The following VPS54 variants were observed in gnomAD, a reference collection of about 807,000 sequenced individuals.
VPS54 encodes the protein vacuolar protein sorting-associated protein 54.
A neutral mutation model predicts 121.5 loss-of-function variants in VPS54; 45 were observed. The ratio of observed to expected loss-of-function variants is 0.37; its 90% CI spans 0.29 to 0.47. The LOEUF is 0.47. VPS54 is among the 20% of genes least tolerant of loss of function. VPS54 has a pLI of 0.99. For synonymous variants in VPS54, 371 were observed against 385.8 expected, an observed-to-expected ratio of 0.96 and a Z score of 0.45; for missense variants, 1,090 against 1,131.4, an observed-to-expected ratio of 0.96 and a Z score of 0.52.
intron 3 of VPS54, among the ~76,000 whole-genome samples, chr2:63,973,858 T>C (rs896821492): frequency 1.3e-5 from 2 of 152,184 alleles, no homozygotes; most frequent in African/African-American, 2.4e-5. Context: ...CAATCCTGTA[T>C]CAGATATGTG....
intron 1 of VPS54, among the ~76,000 whole-genome samples, chr2:64,018,385 C>A (rs1678810486): frequency 6.6e-6 from 1 of 152,122 alleles, no homozygotes; most frequent in Non-Finnish European, 1.5e-5. Context: ...GCAGAAACGG[C>A]AGAGAGGGCC....
At chr2:63,917,957 A>C (rs1345329059) in intron 15 of VPS54, among the ~76,000 whole-genome samples, 1 of 152,042 alleles carries the variant, frequency 6.6e-6, no homozygotes, top group Non-Finnish European at 1.5e-5. Flanking sequence ...CATGTAAAAT[A>C]CTTAGAACAA....
At chr2:63,948,739 C>T (rs1190378044) in intron 8 of VPS54, among the ~76,000 whole-genome samples, 2 of 152,082 alleles carry the variant, frequency 1.3e-5, no homozygotes, top group Non-Finnish European at 2.9e-5. Flanking sequence ...CCAGCACTCG[C>T]ACACATAAAC....
At chr2:63,920,917 TAG>T (rs1673612670) in intron 13 of VPS54, among the ~76,000 whole-genome samples, 1 of 152,088 alleles carries the variant, frequency 6.6e-6, no homozygotes, top group Non-Finnish European at 1.5e-5. Context: ...TATACATATA[TAG>T]ACTTACTATA....
intron 5 of VPS54, among the ~76,000 whole-genome samples, chr2:63,968,610 T>C (rs1676123300): frequency 1.3e-5 from 2 of 151,874 alleles, no homozygotes; most frequent in Non-Finnish European, 2.9e-5. Flanking sequence ...TCCCAGCTAC[T>C]CAGGATGCTG....
intron 1 of VPS54, among the ~76,000 whole-genome samples, chr2:64,001,839 G>A (rs1228173851): frequency 6.6e-6 from 1 of 152,006 alleles, no homozygotes; most frequent in Non-Finnish European, 1.5e-5. Flanking sequence ...GAGAAGGGGT[G>A]GCACAAGCAC....
intron 8 of VPS54, 105 bp downstream of exon 8, chr2:63,948,932 T>C: frequency 7.0e-7 from 1 of 1,435,968 alleles, no homozygotes; most frequent in Non-Finnish European, 9.3e-7. Flanking sequence ...CTGATAGCCC[T>C]TGAAATTTAA....
chr2:63,903,106 A>G (rs1325353096), intron 20 of VPS54, among the ~76,000 whole-genome samples: 1 of 152,240 alleles, frequency 6.6e-6, no homozygotes, highest in Middle Eastern at 3.2e-3. Flanking sequence ...AAGGAAACAC[A>G]CAACAGGTCC....
intron 1 of VPS54, among the ~76,000 whole-genome samples, chr2:63,998,769 ATTATAG>A (rs907781559): frequency 1.1e-4 from 17 of 152,088 alleles, no homozygotes; most frequent in African/African-American, 3.1e-4. Flanking sequence ...TCTTGAAAAA[ATTATAG>A]TTATAATTTT....
chr2:64,005,375 T>A (rs1678094619), intron 1 of VPS54, among the ~76,000 whole-genome samples: 1 of 151,636 alleles, frequency 6.6e-6, no homozygotes, highest in Admixed American at 6.6e-5. Flanking sequence ...AGTGCTGGGA[T>A]TACAGGCGTG....
At position 63,957,169 on chromosome 2, in the gene VPS54, AC is replaced by A. The variant is rs1315417239; in HGVS notation, c.1010+4888del. On this transcript the variant is annotated intron_variant, in intron 7 of 22. Coordinates refer to ENST00000272322, the MANE Select transcript of VPS54 (RefSeq NM_016516.3). Reference sequence around the variant, plus strand: ...AAAAATATTTATATCCCGGCCGGGCACGGTGGCTCACACCTGTAATCCCAGC... The same window carrying A: ...AAAAATATTTATATCCCGGCCGGGCAGGTGGCTCACACCTGTAATCCCAGC... Among the ~76,000 whole-genome samples the A allele has an allele frequency of 3.3e-5, 5 of 152,218 alleles. No homozygotes were observed. In the South Asian group the frequency reaches 6.2e-4, roughly 19 times the overall value.
chr2:64,017,345 AAAAAG>A (rs918788922), intron 1 of VPS54, among the ~76,000 whole-genome samples: 3 of 148,664 alleles, frequency 2.0e-5, no homozygotes, highest in African/African-American at 4.8e-5. Context: ...TCAAAAAAAA[AAAAAG>A]AAAAGAAACA....
At chr2:63,893,683 C>G (rs1672322045) in intron 22 of VPS54, 148 bp from the exon 23 acceptor site, 1 of 655,790 alleles carries the variant, frequency 1.5e-6, no homozygotes, top group African/African-American at 1.8e-5. Context: ...TAGCAGGATT[C>G]CTGCTATGAA....
At chr2:63,902,127 T>A (rs574669857) in intron 20 of VPS54, among the ~76,000 whole-genome samples, 12 of 152,260 alleles carry the variant, frequency 7.9e-5, no homozygotes, top group African/African-American at 2.9e-4. Context: ...GGGCTCCACA[T>A]TCAAGGCCAG....
intron 1 of VPS54, among the ~76,000 whole-genome samples, chr2:63,985,690 C>T (rs977779249): frequency 4.9e-4 from 38 of 78,154 alleles, no homozygotes; most frequent in African/African-American, 9.2e-4. Context: ...TACACACACA[C>T]ACACACACAC....
In VPS54 at chr2:63,942,328, A is replaced by G. The variant is rs1027744986; in HGVS notation, c.1398+137T>C. The stretch of plus-strand genomic sequence containing the variant: ...TGAGGTACCTAAATTTTTATTTAAA[A>G]ACAAGCCTCTTTAGAAAAATTACAA... On this transcript the variant is annotated intron_variant, in intron 11 of 22. Transcript: ENST00000272322. The G allele has an allele frequency of 7.2e-6, 4 of 554,596 alleles. No homozygotes were observed. The African/African-American group carries it at 7.9e-5, about 11-fold the overall frequency. The allele number at this position is 554,596 out of a possible 1,614,324, so 34.4% of individuals were successfully genotyped here. A position where few individuals can be genotyped will look rare whatever the true frequency, so the allele number is the denominator to read the frequency against.
intron 3 of VPS54, among the ~76,000 whole-genome samples, chr2:63,972,815 C>G (rs984662268): frequency 6.6e-6 from 1 of 151,402 alleles, no homozygotes; most frequent in African/African-American, 2.4e-5. Context: ...GAGGCAGAGG[C>G]TGCAGTGAAC....
At chr2:63,914,732 T>C (rs1281231026) in intron 16 of VPS54, among the ~76,000 whole-genome samples, 2 of 151,938 alleles carry the variant, frequency 1.3e-5, no homozygotes, top group African/African-American at 2.4e-5. Flanking sequence ...AACTAATGAA[T>C]TGATGAAGAA....
At chr2:64,008,014 A>T (rs1382078700) in intron 1 of VPS54, among the ~76,000 whole-genome samples, 4 of 134,842 alleles carry the variant, frequency 3.0e-5, no homozygotes, top group Non-Finnish European at 6.2e-5. Flanking sequence ...TGGTAAAAGG[A>T]AAAAAAAAAA....
Sources: gnomAD v4.1 joint callset for allele counts (sites outside exome capture counted in the v4.1 genomes callset) on GRCh38, gnomAD v4.1.1 for gene constraint, MANE v1.5 for transcripts, NCBI Gene and HGNC (gene_info 2026-07-23, HGNC 2026-07-21) for gene names.